TRAPPC9: variants seen among roughly 807,000 people sequenced by gnomAD.
TRAPPC9 encodes the protein IKK2 binding protein.
TRAPPC9 carries 83 observed loss-of-function variants against 124.0 expected under a neutral mutation model. That is an observed-to-expected ratio of 0.67 (90% CI 0.56 to 0.80). TRAPPC9 has a LOEUF of 0.80. Ranked by LOEUF, TRAPPC9 falls within the 30% of genes least tolerant of loss-of-function variation. The pLI is 0.00. For missense variants in TRAPPC9, 1,302 were observed against 1,508.3 expected (o/e 0.86, Z 2.27); for synonymous variants, 638 against 617.5 (o/e 1.03, Z -0.49).
chr8:139,795,631 T>G (rs577683075), intron 21 of TRAPPC9, among the ~76,000 whole-genome samples: 3 of 152,122 alleles, frequency 2.0e-5, no homozygotes, highest in African/African-American at 7.2e-5. Flanking sequence ...CAGTCATCAT[T>G]TGGCATCTGA....
chr8:140,383,154 C>G (rs991883105), intron 7 of TRAPPC9, among the ~76,000 whole-genome samples: 1 of 152,180 alleles, frequency 6.6e-6, no homozygotes, highest in Admixed American at 6.5e-5. Context: ...ACATCAAAAC[C>G]CCATCTGTAT....
rs1444490779 is a variant in TRAPPC9 at position 139,729,482 on chromosome 8, G to T, written c.*1579C>A. ...TACTGCAGCCAGACCTTCTGGGGCT[G>T]CCTTCCCTGGGGAGCCTCGAGCAGA... On this transcript the variant is annotated 3_prime_UTR_variant, in exon 23 of 23. Transcript: ENST00000438773. 6.6e-6 allele frequency among the ~76,000 whole-genome samples: 1 copy of T among 152,232 alleles called. No individual in the cohort carries two copies. The highest frequency in any genetic ancestry group is 1.5e-5 in the Non-Finnish European group (1 of 68,034).
At chr8:140,017,223 A>G (rs4236866) in intron 18 of TRAPPC9, among the ~76,000 whole-genome samples, 69,492 of 152,030 alleles carry the variant, frequency 0.46, 16,820 homozygotes, top group Middle Eastern at 0.63. Context: ...GAAGTTTTTA[A>G]TTTTGATGAA....
Position 140,062,666 on chromosome 8 carries a change from C to A in TRAPPC9, c.2557-38587G>T, listed in dbSNP as rs148460193. Among the ~76,000 whole-genome samples, 3 of 152,282 alleles carry A rather than the reference C, an allele frequency of 2.0e-5. No homozygotes were observed. In the East Asian group the frequency reaches 5.8e-4, roughly 29 times the overall value. The stretch of plus-strand genomic sequence containing the variant: ...ACATTCCTGCTTTCCTGTCCACTTG[C>A]TTGTCTGCTCTCCTACTAGAAGATG... On this transcript the variant is annotated intron_variant, in intron 17 of 22. Transcript: ENST00000438773.
chr8:139,811,673 G>A (rs547790819), intron 21 of TRAPPC9, among the ~76,000 whole-genome samples: 1 of 152,284 alleles, frequency 6.6e-6, no homozygotes, highest in African/African-American at 2.4e-5. Context: ...ATATATTTTT[G>A]GAAGCTAAGA....
intron 21 of TRAPPC9, among the ~76,000 whole-genome samples, chr8:139,756,246 A>G (rs1190867204): frequency 7.6e-6 from 1 of 131,390 alleles, no homozygotes; most frequent in Non-Finnish European, 1.6e-5. Context: ...TTTGGGGATG[A>G]GGACAGCAGG....
intron 19 of TRAPPC9, among the ~76,000 whole-genome samples, chr8:139,938,588 A>G (rs939107740): frequency 6.6e-6 from 1 of 151,150 alleles, no homozygotes; most frequent in African/African-American, 2.4e-5. Context: ...CCCAGCTAGA[A>G]ACAGTCTATG....
intron 1 of TRAPPC9, among the ~76,000 whole-genome samples, chr8:140,454,228 G>A (rs899398044): frequency 9.9e-5 from 15 of 152,044 alleles, no homozygotes; most frequent in African/African-American, 3.6e-4. Flanking sequence ...GGTGGAGGAG[G>A]CAGTGAGCCA....
intron 19 of TRAPPC9, among the ~76,000 whole-genome samples, chr8:139,924,607 T>C (rs911318406): frequency 2.0e-5 from 3 of 152,214 alleles, no homozygotes; most frequent in African/African-American, 7.2e-5. Flanking sequence ...AGGAATCGAC[T>C]GGTTCTTCAG....
intron 17 of TRAPPC9, among the ~76,000 whole-genome samples, chr8:140,141,305 C>T (rs1260925077): frequency 5.3e-5 from 8 of 152,172 alleles, no homozygotes; most frequent in Non-Finnish European, 7.4e-5. Flanking sequence ...AATCTCTCAC[C>T]GCCCTGCTCT....
At chr8:140,295,173 C>T (rs2065772700) in intron 11 of TRAPPC9, among the ~76,000 whole-genome samples, 1 of 152,174 alleles carries the variant, frequency 6.6e-6, no homozygotes, top group Non-Finnish European at 1.5e-5. Context: ...CTGTATGGAC[C>T]CATGTGGCGG....
intron 9 of TRAPPC9, among the ~76,000 whole-genome samples, chr8:140,330,845 C>A (rs1188928197): frequency 2.0e-5 from 3 of 152,034 alleles, no homozygotes; most frequent in Admixed American, 1.3e-4. Context: ...CTGCTTTTTT[C>A]ATTTTGTCAC....
chr8:140,143,519 T>A (rs2061412087), intron 17 of TRAPPC9, among the ~76,000 whole-genome samples: 1 of 152,268 alleles, frequency 6.6e-6, no homozygotes, highest in South Asian at 2.1e-4. Context: ...GCTCATAATG[T>A]CCTTCTTAGA....
At chr8:140,096,387 T>C (rs1046531071) in intron 17 of TRAPPC9, 2 of 152,208 alleles carry the variant, frequency 1.3e-5, no homozygotes, top group African/African-American at 2.4e-5. Flanking sequence ...AGGATCCCTC[T>C]GGCCACATGT....
chr8:139,972,191 T>A (rs2131614462), intron 19 of TRAPPC9, among the ~76,000 whole-genome samples: 1 of 152,222 alleles, frequency 6.6e-6, no homozygotes, highest in South Asian at 2.1e-4. Context: ...ACCCATGCCC[T>A]CATGCCACCA....
At chr8:140,285,332 G>T (rs1017817975) in intron 13 of TRAPPC9, among the ~76,000 whole-genome samples, 2 of 152,098 alleles carry the variant, frequency 1.3e-5, no homozygotes, top group African/African-American at 2.4e-5. Flanking sequence ...CCACTGCCAG[G>T]CCACGGCTAT....
chr8:140,157,855 C>A (rs1267591096), intron 17 of TRAPPC9, among the ~76,000 whole-genome samples: 4 of 152,184 alleles, frequency 2.6e-5, no homozygotes, highest in Non-Finnish European at 5.9e-5. Flanking sequence ...AGACATTTTT[C>A]TGTGCACATA....
At chr8:139,737,286 C>T (rs1350751342) in intron 21 of TRAPPC9, among the ~76,000 whole-genome samples, 1 of 152,210 alleles carries the variant, frequency 6.6e-6, no homozygotes, top group Non-Finnish European at 1.5e-5. Context: ...CCTGGGGGAC[C>T]CGCTGCTCAA....
chr8:139,878,370 G>C (rs1336025774), intron 21 of TRAPPC9, among the ~76,000 whole-genome samples: 1 of 152,224 alleles, frequency 6.6e-6, no homozygotes, highest in Non-Finnish European at 1.5e-5. Flanking sequence ...TTTGGGGATA[G>C]GGAAAGGCTG....
Sources: gnomAD v4.1 joint callset for allele counts (sites outside exome capture counted in the v4.1 genomes callset) on GRCh38, gnomAD v4.1.1 for gene constraint, MANE v1.5 for transcripts, NCBI Gene and HGNC (gene_info 2026-07-23, HGNC 2026-07-21) for gene names.